Variants in KCNU1 observed in about 807,000 individuals in gnomAD.
The protein encoded by KCNU1 is potassium calcium-activated channel subfamily U member 1.
Under a neutral mutation model 126.8 loss-of-function variants are expected in KCNU1, and 93 were observed. That is an observed-to-expected ratio of 0.73 (90% CI 0.62 to 0.87). The LOEUF (loss-of-function observed/expected upper bound fraction) is 0.87, where lower values mean the gene tolerates loss of function less well. Ranked by LOEUF, KCNU1 falls within the 40% of genes least tolerant of loss-of-function variation. The pLI, the probability that KCNU1 is intolerant of heterozygous loss-of-function variation, is 0.00. For missense variants in KCNU1, 1,330 were observed against 1,367.1 expected (o/e 0.97, Z 0.43); for synonymous variants, 523 against 494.2 (o/e 1.06, Z -0.77).
At chr8:36,791,066 C>A (rs1425468492) in intron 2 of KCNU1, among the ~76,000 whole-genome samples, 1 of 150,170 alleles carries the variant, frequency 6.7e-6, no homozygotes, top group East Asian at 2.0e-4. Flanking sequence ...GGAACTCCAA[C>A]AGTCAAATAA....
At chr8:36,928,967 A>C in intron 24 of KCNU1, 1 of 697,714 alleles carries the variant, frequency 1.4e-6, no homozygotes, top group Non-Finnish European at 2.6e-6. Flanking sequence ...CAGATACATG[A>C]GAAGCAATGA....
intron 2 of KCNU1, among the ~76,000 whole-genome samples, chr8:36,790,636 G>C (rs1436920897): frequency 6.6e-6 from 1 of 152,012 alleles, no homozygotes; most frequent in African/African-American, 2.4e-5. Context: ...CATAAAAGGA[G>C]AAATTTAAAC....
intron 24 of KCNU1, chr8:36,928,946 T>C: frequency 1.4e-6 from 1 of 691,096 alleles, no homozygotes; most frequent in Non-Finnish European, 2.6e-6. Context: ...TTAATATCAC[T>C]TCAGATGATC....
intron 7 of KCNU1, among the ~76,000 whole-genome samples, chr8:36,812,643 T>TGATTCA (rs1251543834): frequency 1.3e-5 from 2 of 152,174 alleles, no homozygotes; most frequent in Non-Finnish European, 2.9e-5. Flanking sequence ...AAATAGATAA[T>TGATTCA]GATTCAGTCT....
intron 19 of KCNU1, among the ~76,000 whole-genome samples, chr8:36,878,899 A>T (rs1806366329): frequency 6.8e-6 from 1 of 147,798 alleles, no homozygotes; most frequent in South Asian, 2.1e-4. Flanking sequence ...ATACATTTTA[A>T]TACATTATAT....
intron 19 of KCNU1, among the ~76,000 whole-genome samples, chr8:36,881,176 A>G (rs1806463121): frequency 6.6e-6 from 1 of 152,314 alleles, no homozygotes; most frequent in South Asian, 2.1e-4. Flanking sequence ...CAAAGCTCTG[A>G]GGCTTTGCAA....
chr8:36,856,360 G>T lies in KCNU1; in HGVS notation c.1892-8044G>T, dbSNP rs529178691. 7.9e-5 allele frequency among the ~76,000 whole-genome samples: 12 copies of T among 152,122 alleles called. 1 individual carries two copies. The highest frequency in any genetic ancestry group is 6.5e-4 in the Admixed American group (10 of 15,282). On this transcript the variant is annotated intron_variant, in intron 18 of 26. Transcript: ENST00000399881. ...ATGTCTCATGCTTTCCTGTTACTTT[G>T]CATGTCTCATATTTTGTGTTGAAAA... is the stretch of plus-strand genomic sequence containing the variant.
intron 14 of KCNU1, among the ~76,000 whole-genome samples, chr8:36,837,172 A>G (rs557510063): frequency 5.9e-5 from 9 of 152,270 alleles, no homozygotes; most frequent in African/African-American, 2.2e-4. Context: ...ATTTATCTAC[A>G]AAACAGAAAA....
intron 10 of KCNU1, among the ~76,000 whole-genome samples, chr8:36,824,145 A>G (rs1024562370): frequency 2.6e-5 from 4 of 152,144 alleles, no homozygotes. Context: ...CCCCTGTTTA[A>G]GCCTTTTTTA....
At chr8:36,909,285 C>A (rs772547889) in intron 20 of KCNU1, 26 bp from the exon 21 acceptor site, 6 of 1,458,718 alleles carry the variant, frequency 4.1e-6, no homozygotes, top group African/African-American at 2.8e-5. Flanking sequence ...ATGAAAATGA[C>A]CAGACTGTGG....
chr8:36,870,947 C>T (rs895514059), intron 19 of KCNU1, among the ~76,000 whole-genome samples: 1 of 152,108 alleles, frequency 6.6e-6, no homozygotes, highest in Non-Finnish European at 1.5e-5. Flanking sequence ...CTATGGTTTT[C>T]CACCTGAGAT....
chr8:36,798,165 A>G (rs1022077016), intron 2 of KCNU1, among the ~76,000 whole-genome samples: 1 of 152,018 alleles, frequency 6.6e-6, no homozygotes, highest in Non-Finnish European at 1.5e-5. Flanking sequence ...AGGCACAATT[A>G]CCATCCGTGC....
rs556327935 is a variant in KCNU1 at position 36,826,344 on chromosome 8, G to C, written c.1107-7210G>C. The stretch of plus-strand genomic sequence containing the variant: ...CCTGCCTCAGCCTCCCAAGTAGCTG[G>C]AATTATAAGTGCCCACCACCACGCC... On this transcript the variant is annotated intron_variant, in intron 10 of 26. Coordinates refer to ENST00000399881, the MANE Select transcript of KCNU1 (RefSeq NM_001031836.3). 5.3e-5 allele frequency among the ~76,000 whole-genome samples: 8 copies of C among 152,110 alleles called. No individual in the cohort carries two copies. The South Asian group carries it at 1.7e-3, about 32-fold the overall frequency.
At chr8:36,922,885 C>T (rs1309275957) in intron 24 of KCNU1, 12 of 570,526 alleles carry the variant, frequency 2.1e-5, no homozygotes, top group African/African-American at 1.7e-4. Context: ...GAGTGAGTGT[C>T]GGCCTCTCAG....
chr8:36,894,607 A>G (rs1430354494), intron 19 of KCNU1, among the ~76,000 whole-genome samples: 1 of 152,158 alleles, frequency 6.6e-6, no homozygotes, highest in Non-Finnish European at 1.5e-5. Flanking sequence ...ATGTTAACAT[A>G]TGTTACTGAT....
chr8:36,785,470 C>G lies in KCNU1; in HGVS notation c.195+865C>G, dbSNP rs113376271. ...TAAAACATTTCTTTTAGTGCTAAAA[C>G]CTACATAAAATATAATTCATAAATT... On this transcript the variant is annotated intron_variant, in intron 1 of 26. Coordinates refer to ENST00000399881, the MANE Select transcript of KCNU1 (RefSeq NM_001031836.3). Among the ~76,000 whole-genome samples, 619 of 152,266 alleles carry G rather than the reference C, an allele frequency of 4.1e-3. 8 individuals carry two copies. Among genetic ancestry groups the G allele is most frequent in the African/African-American group, 0.014 (586 of 41,550 alleles).
chr8:36,798,151 G>A (rs1204200938), intron 2 of KCNU1, among the ~76,000 whole-genome samples: 3 of 152,010 alleles, frequency 2.0e-5, no homozygotes, highest in Non-Finnish European at 4.4e-5. Flanking sequence ...CAGTGTCTCT[G>A]CAGAGGCACA....
intron 14 of KCNU1, among the ~76,000 whole-genome samples, chr8:36,839,575 T>A (rs1347804321): frequency 1.3e-5 from 2 of 152,222 alleles, no homozygotes; most frequent in African/African-American, 4.8e-5. Flanking sequence ...TCCTTTTTCG[T>A]AGGGCAGAAT....
At chr8:36,869,294 T>A (rs991372490) in intron 19 of KCNU1, among the ~76,000 whole-genome samples, 4 of 152,100 alleles carry the variant, frequency 2.6e-5, no homozygotes, top group African/African-American at 9.7e-5. Flanking sequence ...TTAATAGAAA[T>A]GCTTGTTTTG....
Sources: allele counts gnomAD v4.1 joint callset (sites outside exome capture counted in the v4.1 genomes callset), GRCh38; gene constraint gnomAD v4.1.1; transcripts MANE v1.5; gene names NCBI Gene and HGNC (gene_info 2026-07-23, HGNC 2026-07-21).